Variants in COLEC10 observed in about 807,000 individuals in gnomAD.
The protein encoded by COLEC10 is collectin subfamily member 10.
In COLEC10, 22 loss-of-function variants were observed where a neutral mutation model predicts 28.4. That is an observed-to-expected ratio of 0.78 (90% CI 0.55 to 1.11). The LOEUF is 1.11. Ranked by LOEUF, COLEC10 falls within the 50% of genes least tolerant of loss-of-function variation. The probability of loss-of-function intolerance (pLI) is 0.00; values close to 1 mark genes in which losing one functional copy is unlikely to be tolerated. For missense variants in COLEC10, 361 were observed against 344.1 expected, an observed-to-expected ratio of 1.05 and a Z score of -0.39; for synonymous variants, 125 against 116.1, an observed-to-expected ratio of 1.08 and a Z score of -0.49.
At chr8:119,015,458 G>C (rs1275612356) in intron 2 of COLEC10, among the ~76,000 whole-genome samples, 1 of 144,812 alleles carries the variant, frequency 6.9e-6, no homozygotes, top group Non-Finnish European at 1.5e-5. Context: ...TTGTTAGGAA[G>C]AACAGAATTC....
At chr8:119,039,417 A>T (rs1485310) in intron 2 of COLEC10, among the ~76,000 whole-genome samples, 78,762 of 151,950 alleles carry the variant, frequency 0.52, 20,646 homozygotes, top group Middle Eastern at 0.66. Flanking sequence ...AGACTGTAAG[A>T]CCTAAGAGGG....
At chr8:119,079,855 G>A (rs1815336115) in intron 1 of COLEC10, among the ~76,000 whole-genome samples, 1 of 152,022 alleles carries the variant, frequency 6.6e-6, no homozygotes, top group South Asian at 2.1e-4. Flanking sequence ...TAAGGGGTGA[G>A]TTGAGATAAT....
chr8:118,992,143 TGAG>T (rs1272137076), upstream of COLEC10, among the ~76,000 whole-genome samples: 1 of 152,086 alleles, frequency 6.6e-6, no homozygotes, highest in Non-Finnish European at 1.5e-5. Flanking sequence ...TTATAGTAAA[TGAG>T]GAAATACATG....
intron 2 of COLEC10, among the ~76,000 whole-genome samples, chr8:119,013,856 A>T (rs1813943613): frequency 6.6e-6 from 1 of 150,828 alleles, no homozygotes; most frequent in Admixed American, 6.6e-5. Flanking sequence ...ATCTTTATGT[A>T]TCTTTATGCC....
At chr8:119,044,197 A>T (rs1814549546) in intron 2 of COLEC10, among the ~76,000 whole-genome samples, 1 of 152,230 alleles carries the variant, frequency 6.6e-6, no homozygotes, top group African/African-American at 2.4e-5. Context: ...AGGTTTATAT[A>T]TGGTCACCCT....
At chr8:119,002,797 A>G (rs1813725442) in intron 1 of COLEC10, among the ~76,000 whole-genome samples, 1 of 152,194 alleles carries the variant, frequency 6.6e-6, no homozygotes, top group African/African-American at 2.4e-5. Flanking sequence ...CTTTGCTAAA[A>G]TAGGTGATCA....
chr8:118,980,412 C>T, the COLEC10 span, among the ~76,000 whole-genome samples: 3 of 151,934 alleles, frequency 2.0e-5, no homozygotes, highest in East Asian at 2.0e-4. Context: ...AGGGTGGTCT[C>T]GAACTCCTGA....
intron 2 of COLEC10, among the ~76,000 whole-genome samples, chr8:119,059,506 A>C (rs974242291): frequency 6.6e-6 from 1 of 152,094 alleles, no homozygotes; most frequent in Admixed American, 6.6e-5. Context: ...ACAATCAATG[A>C]ACCATTAATG....
At chr8:119,012,874 G>T (rs1358874670) in intron 2 of COLEC10, among the ~76,000 whole-genome samples, 2 of 150,192 alleles carry the variant, frequency 1.3e-5, no homozygotes, top group African/African-American at 5.0e-5. Flanking sequence ...AGTTAGGCTA[G>T]CTAGAGGCTT....
At chr8:119,069,629 A>AAAAATATATATATATAT (rs1554627284) in intron 1 of COLEC10, among the ~76,000 whole-genome samples, 6 of 42,872 alleles carry the variant, frequency 1.4e-4, no homozygotes, top group Non-Finnish European at 2.2e-4. Context: ...AAAAAAAAAA[A>AAAAATATATATATATAT]ATATATATAT....
At position 119,007,956 on chromosome 8, in the gene COLEC10, C is replaced by T. The variant is rs1325509797; in HGVS notation, n.123-1485C>T. On this transcript the variant is annotated intron_variant and non_coding_transcript_variant, in intron 1 of 6. Transcript: ENST00000521788. ...ATCTACATTAACCCTGAGCCTGACA[C>T]AAGGTTGCAATTATTACTATATTTA... 1.3e-5 allele frequency among the ~76,000 whole-genome samples: 2 copies of T among 150,684 alleles called. 1 individual carries two copies. Among genetic ancestry groups the T allele is most frequent in the African/African-American group, 5.0e-5 (2 of 40,202 alleles).
At chr8:119,017,666 C>T (rs1422713405) in intron 2 of COLEC10, among the ~76,000 whole-genome samples, 1 of 152,132 alleles carries the variant, frequency 6.6e-6, no homozygotes, top group South Asian at 2.1e-4. Flanking sequence ...GGAGCTCCTA[C>T]ATCACTATGC....
At chr8:119,002,051 T>C (rs893304307) in intron 1 of COLEC10, among the ~76,000 whole-genome samples, 1 of 152,196 alleles carries the variant, frequency 6.6e-6, no homozygotes, top group Non-Finnish European at 1.5e-5. Context: ...GAAATTGGGC[T>C]TATATTTATG....
chr8:119,067,747 G>A, intron 1 of COLEC10: 2 of 235,342 alleles, frequency 8.5e-6, no homozygotes, highest in East Asian at 9.1e-5. Context: ...GTCTCCAGAA[G>A]CCCTTTCCTT....
intron 2 of COLEC10, among the ~76,000 whole-genome samples, chr8:119,051,830 G>A (rs1364474294): frequency 6.6e-6 from 1 of 152,172 alleles, no homozygotes; most frequent in East Asian, 1.9e-4. Flanking sequence ...TAGTAACAGA[G>A]GGTAGAGAGA....
chr8:119,010,239 G>A (rs4360322), intron 2 of COLEC10, among the ~76,000 whole-genome samples: 93,983 of 150,176 alleles, frequency 0.63, 31,199 homozygotes, highest in African/African-American at 0.83. Context: ...TGCCCATTCC[G>A]GAGTGTCAAA....
intron 3 of COLEC10, among the ~76,000 whole-genome samples, chr8:119,091,555 G>GAAAT: frequency 8.1e-6 from 1 of 123,968 alleles, no homozygotes; most frequent in Non-Finnish European, 1.7e-5. Flanking sequence ...ACCCTGTCTC[G>GAAAT]AAAGAAAGAA....
chr8:119,059,221 A>G (rs922271071), intron 2 of COLEC10, among the ~76,000 whole-genome samples: 1 of 151,572 alleles, frequency 6.6e-6, no homozygotes, highest in Admixed American at 6.6e-5. Flanking sequence ...ATTTTGATGC[A>G]GTATAATTCA....
At chr8:119,081,699 G>A (rs1236313323) in intron 1 of COLEC10, among the ~76,000 whole-genome samples, 1 of 152,162 alleles carries the variant, frequency 6.6e-6, no homozygotes, top group Non-Finnish European at 1.5e-5. Context: ...TAAATTAAAT[G>A]AGCCATTTAT....
Sources: allele counts gnomAD v4.1 joint callset (sites outside exome capture counted in the v4.1 genomes callset), GRCh38; gene constraint gnomAD v4.1.1; transcripts MANE v1.5; gene names NCBI Gene and HGNC (gene_info 2026-07-23, HGNC 2026-07-21).